RAD1: variants seen among roughly 807,000 people sequenced by gnomAD.
RAD1 encodes RAD1 checkpoint DNA exonuclease.
Under a neutral mutation model 30.0 loss-of-function variants are expected in RAD1, and 21 were observed. The ratio of observed to expected loss-of-function variants is 0.70; its 90% CI spans 0.50 to 1.01. The LOEUF is 1.01. Ranked by LOEUF, RAD1 falls within the 50% of genes least tolerant of loss-of-function variation. The pLI is 0.00. For synonymous variants in RAD1, 109 were observed against 113.6 expected (o/e 0.96, Z 0.26); for missense variants, 329 against 329.0 (o/e 1.00, Z 0.00).
In RAD1 at chr5:34,911,622, T is replaced by TAAA. The variant is rs1402500645; in HGVS notation, c.497_498insTTT (p.Ala166_Phe167insLeu). 1.2e-6 allele frequency: 2 copies of TAAA among 1,613,952 alleles called. No homozygotes were observed. Among genetic ancestry groups the TAAA allele is most frequent in the African/African-American group, 2.7e-5 (2 of 74,878 alleles). On this transcript the variant is annotated inframe_insertion, in exon 4 of 6. Coordinates refer to ENST00000382038, the MANE Select transcript of RAD1 (RefSeq NM_002853.4). ...CACTCGTCATATCCAATTCAGAAAA[T>TAAA]GCTTCACGGAGCCCCTCTGACTGCA...
rs1372842738 is a variant in RAD1, at chr5:34,911,721, T to G, written c.399A>C (p.Lys133Asn). The change falls in exon 4 of 6, where the codon AAA becomes AAC. Residue 133 changes from lysine to asparagine, a missense_variant. By Grantham distance (94) the Lys-to-Asn change is moderately conservative. Transcript: ENST00000382038. ...LEEGGVVTVCKINTQEPEETL... is the reference protein window; with the variant it reads ...LEEGGVVTVCNINTQEPEETL... Reference sequence around the variant, plus strand: ...TCTCCTCAGGTTCCTGTGTATTGATTTTGCAGACTGTCACCACTCCTCCTT... The same window carrying G: ...TCTCCTCAGGTTCCTGTGTATTGATGTTGCAGACTGTCACCACTCCTCCTT... 3 of 1,614,154 alleles carry G rather than the reference T, an allele frequency of 1.9e-6. No homozygotes were observed. The South Asian group carries it at 3.3e-5, about 18-fold the overall frequency.
Position 34,906,788 on chromosome 5 carries a change from G to A in RAD1, c.*1977C>T, listed in dbSNP as rs954982308. ...ACTAAATGCCCATTATATGTTAGGC[G>A]CCGTTCTTTGTTCACACTAGTAACA... is the stretch of plus-strand genomic sequence containing the variant. On this transcript the variant is annotated 3_prime_UTR_variant, in exon 6 of 6. Coordinates refer to ENST00000382038, the MANE Select transcript of RAD1 (RefSeq NM_002853.4). The A allele has an allele frequency of 4.6e-5, 7 of 152,100 alleles. No homozygotes were observed. Among genetic ancestry groups the A allele is most frequent in the African/African-American group, 1.2e-4 (5 of 41,394 alleles). The allele number at this position is 152,100 out of a possible 1,614,324, so 9.4% of individuals were successfully genotyped here. A position where few individuals can be genotyped will look rare whatever the true frequency, so the allele number is the denominator to read the frequency against.
intron 4 of RAD1, among the ~76,000 whole-genome samples, chr5:34,910,761 A>G (rs1763810266): frequency 1.3e-5 from 2 of 152,218 alleles, no homozygotes; most frequent in Admixed American, 6.5e-5. Context: ...AGTAGTTACA[A>G]AAAGAATACC....
rs145810279 is a variant in RAD1, at chr5:34,911,684, C to T, written c.436G>A (p.Asp146Asn). The T allele has an allele frequency of 1.9e-6, 3 of 1,614,146 alleles. No homozygotes were observed. The highest frequency in any genetic ancestry group is 2.5e-6 in the Non-Finnish European group (3 of 1,180,026). Reference protein sequence around the residue: ...TQEPEETLDFDFCSTNVINKI... With the variant: ...TQEPEETLDFNFCSTNVINKI... Reference sequence around the variant, plus strand: ...TTAATAACATTGGTGCTGCAGAAATCAAAGTCCAGGGTCTCCTCAGGTTCC... The same window carrying T: ...TTAATAACATTGGTGCTGCAGAAATTAAAGTCCAGGGTCTCCTCAGGTTCC... Residue 146 changes from aspartate (D) to asparagine (N), a missense_variant, in exon 4 of 6, where the codon GAT (aspartate) becomes AAT (asparagine). By Grantham distance (23) the Asp-to-Asn change is conservative. Coordinates refer to ENST00000382038, the MANE Select transcript of RAD1 (RefSeq NM_002853.4).
chr5:34,914,130 G>C (rs939427427), intron 2 of RAD1: 4 of 366,692 alleles, frequency 1.1e-5, no homozygotes, highest in African/African-American at 8.4e-5. Context: ...AATCCTATCT[G>C]AACCACACAA....
chr5:34,912,693 T>A (rs1393667127), intron 3 of RAD1, among the ~76,000 whole-genome samples: 6 of 152,106 alleles, frequency 3.9e-5, no homozygotes, highest in Non-Finnish European at 1.5e-5. Flanking sequence ...TAAAAAAATA[T>A]ATATTTTAAA....
At chr5:34,909,171 A>G in intron 5 of RAD1, 87 bp downstream of exon 5, 1 of 1,088,220 alleles carries the variant, frequency 9.2e-7, no homozygotes, top group Non-Finnish European at 1.3e-6. Flanking sequence ...ATTTTAATTA[A>G]CAGATTGAAA....
At position 34,908,718 on chromosome 5, in the gene RAD1, C is replaced by G. The variant is rs1763731651; in HGVS notation, c.*47G>C. On this transcript the variant is annotated 3_prime_UTR_variant, in exon 6 of 6. Transcript: ENST00000382038. The stretch of plus-strand genomic sequence containing the variant: ...AAGAGTACTGTACTCAGAATAAGAA[C>G]TTCATCTATCATAAATGTACACATA... 1 of 1,475,020 alleles carries G rather than the reference C, an allele frequency of 6.8e-7. No individual in the cohort carries two copies. Among genetic ancestry groups the G allele is most frequent in the East Asian group, 2.3e-5 (1 of 43,896 alleles). 91.4% of individuals were successfully genotyped at this position (1,475,020 alleles called of 1,614,324 possible). A position where few individuals can be genotyped will look rare whatever the true frequency, so the allele number is the denominator to read the frequency against.
intron 3 of RAD1, among the ~76,000 whole-genome samples, chr5:34,912,269 A>G (rs1209331763): frequency 6.6e-6 from 1 of 152,192 alleles, no homozygotes; most frequent in African/African-American, 2.4e-5. Context: ...AACTTTTCCA[A>G]CTGGGAGATA....
chr5:34,913,671 C>T (rs1763924639), intron 2 of RAD1, 93 bp from the exon 3 acceptor site: 1 of 704,518 alleles, frequency 1.4e-6, no homozygotes, highest in Non-Finnish European at 2.4e-6. Context: ...TTAAAAAATA[C>T]AATACTGTGC....
At chr5:34,914,309 TTAA>T (rs757696922) in intron 2 of RAD1, among the ~76,000 whole-genome samples, 101 of 152,224 alleles carry the variant, frequency 6.6e-4, no homozygotes, top group Admixed American at 1.0e-3. Flanking sequence ...GGCAAATCAC[TTAA>T]AATTGTGCCT....
intron 3 of RAD1, 131 bp downstream of exon 3, chr5:34,913,339 C>T: frequency 2.1e-6 from 1 of 477,526 alleles, no homozygotes; most frequent in Non-Finnish European, 3.8e-6. Context: ...TGTTAGAACC[C>T]ATGACTGTGG....
intron 4 of RAD1, among the ~76,000 whole-genome samples, chr5:34,909,734 C>T (rs1269869743): frequency 1.3e-5 from 2 of 152,176 alleles, no homozygotes; most frequent in Non-Finnish European, 2.9e-5. Context: ...CCCAATCCTA[C>T]ACCTAGGAAT....
In RAD1 at chr5:34,911,720, T is replaced by C. The variant is rs373933060; in HGVS notation, c.400A>G (p.Ile134Val). ...GTCTCCTCAGGTTCCTGTGTATTGA[T>C]TTTGCAGACTGTCACCACTCCTCCT... is the stretch of plus-strand genomic sequence containing the variant. ...EEGGVVTVCK[I>V]NTQEPEETLD... The change falls in exon 4 of 6, where the codon ATC becomes GTC. Residue 134 changes from isoleucine to valine, a missense_variant. Transcript: ENST00000382038. 6.2e-7 allele frequency: 1 copy of C among 1,614,160 alleles called. No homozygotes were observed. Among genetic ancestry groups the C allele is most frequent in the Admixed American group, 1.7e-5 (1 of 60,024 alleles).
intron 3 of RAD1, among the ~76,000 whole-genome samples, chr5:34,912,858 G>A (rs1172478829): frequency 6.6e-6 from 1 of 151,964 alleles, no homozygotes. Flanking sequence ...AAAATTAGCC[G>A]GGCGTGGTGG....
rs1463702251 is a variant in RAD1, at chr5:34,914,967, GGGAT to G, written c.-69-10_-69-7del. ...CTCGGCGGATCGCCAAACACCTGAA[GGGAT>G]TAGACAGTAAAACTCCCATCAGTGC... On this transcript the variant is annotated splice_polypyrimidine_tract_variant and splice_region_variant and intron_variant, in intron 1 of 5. Coordinates refer to ENST00000382038, the MANE Select transcript of RAD1 (RefSeq NM_002853.4). The G allele has an allele frequency of 4.6e-6, 7 of 1,519,090 alleles. No homozygotes were observed. The Admixed American group carries it at 1.3e-4, about 27-fold the overall frequency. The allele number at this position is 1,519,090 out of a possible 1,614,324, so 94.1% of individuals were successfully genotyped here.
chr5:34,913,878 C>T (rs938351361), intron 2 of RAD1: 4 of 463,860 alleles, frequency 8.6e-6, no homozygotes, highest in African/African-American at 7.8e-5. Context: ...ACATTAGTTT[C>T]AACTTTTATT....
At position 34,911,570 on chromosome 5, in the gene RAD1, C is replaced by A. The variant is rs1299512032; in HGVS notation, c.550G>T (p.Asp184Tyr). 2 of 1,614,134 alleles carry A rather than the reference C, an allele frequency of 1.2e-6. No individual in the cohort carries two copies. Among genetic ancestry groups the A allele is most frequent in the Non-Finnish European group, 8.5e-7 (1 of 1,179,994 alleles). Residue 184 changes from aspartate (D) to tyrosine (Y), a missense_variant, in exon 4 of 6, where the codon GAC becomes TAC. Coordinates refer to ENST00000382038, the MANE Select transcript of RAD1 (RefSeq NM_002853.4). ...SEVLQITMSP[D>Y]KPYFRLSTFG... is the part of the protein sequence containing the mutation. ...CTCAAGTACCTGAAATAAGGCTTGTCAGGAGACATGGTAATTTGTAGGACT... is the reference window on the plus strand; with the variant it reads ...CTCAAGTACCTGAAATAAGGCTTGTAAGGAGACATGGTAATTTGTAGGACT...
chr5:34,914,527 C>T (rs1763975487), intron 2 of RAD1, 168 bp downstream of exon 2: 1 of 671,074 alleles, frequency 1.5e-6, no homozygotes, highest in South Asian at 2.1e-5. Context: ...CAAGTAATGA[C>T]GTTTTGTTCT....
Sources: gnomAD v4.1 joint callset for allele counts (sites outside exome capture counted in the v4.1 genomes callset) on GRCh38, gnomAD v4.1.1 for gene constraint, MANE v1.5 for transcripts, NCBI Gene and HGNC (gene_info 2026-07-23, HGNC 2026-07-21) for gene names.